The following GPATCH8 variants were observed in gnomAD, a reference collection of about 807,000 sequenced individuals.
The protein encoded by GPATCH8 is G-patch domain containing 8, also known as G patch domain-containing protein 8.
A neutral mutation model predicts 118.3 loss-of-function variants in GPATCH8; 18 were observed. The observed-to-expected ratio is 0.15, with a 90% confidence interval of 0.11 to 0.23. The LOEUF (loss-of-function observed/expected upper bound fraction) is 0.23, where lower values mean the gene tolerates loss of function less well. GPATCH8 is among the 10% of genes least tolerant of loss of function. The pLI is 1.00. For synonymous variants in GPATCH8, 659 were observed against 684.7 expected (o/e 0.96, Z 0.59); for missense variants, 1,631 against 1,873.8 (o/e 0.87, Z 2.39).
At chr17:44,430,916 G>A (rs940153485) in intron 5 of GPATCH8, among the ~76,000 whole-genome samples, 3 of 151,236 alleles carry the variant, frequency 2.0e-5, no homozygotes, top group Admixed American at 1.3e-4. Context: ...CTCCCAAAGT[G>A]CTGGGATTAC....
intron 1 of GPATCH8, among the ~76,000 whole-genome samples, chr17:44,476,282 G>A (rs1967776477): frequency 1.3e-5 from 2 of 151,452 alleles, no homozygotes; most frequent in Admixed American, 6.6e-5. Flanking sequence ...TCAGCTCACC[G>A]CAACCTCTGC....
chr17:44,401,613 G>A (rs1250457841), intron 7 of GPATCH8, among the ~76,000 whole-genome samples, 160 bp from the exon 8 acceptor site: 7 of 152,166 alleles, frequency 4.6e-5, no homozygotes, highest in Non-Finnish European at 1.5e-5. Context: ...ACTAACAAAT[G>A]CGACTTTCTA....
chr17:44,420,543 T>C (rs1190501977), intron 6 of GPATCH8, among the ~76,000 whole-genome samples: 1 of 151,818 alleles, frequency 6.6e-6, no homozygotes, highest in Admixed American at 6.6e-5. Flanking sequence ...CAACCAAAAA[T>C]GTACAGAGGC....
rs1467573744 is a variant in GPATCH8, at chr17:44,447,073, T to G, written c.194-10528A>C. On this transcript the variant is annotated intron_variant, in intron 3 of 7. Transcript: ENST00000591680. ...CTGGTCTCGAACTCCTGACCTCAAG[T>G]GATCTGCCCGCCTTGGCCTCCCAAA... Among the ~76,000 whole-genome samples the G allele has an allele frequency of 3.2e-4, 49 of 152,084 alleles. 3 individuals carry two copies. The highest frequency in any genetic ancestry group is 3.1e-3 in the Admixed American group (48 of 15,264).
At chr17:44,476,882 A>C (rs1967822101) in intron 1 of GPATCH8, among the ~76,000 whole-genome samples, 1 of 152,208 alleles carries the variant, frequency 6.6e-6, no homozygotes, top group South Asian at 2.1e-4. Context: ...GTTTTCACAG[A>C]TCTCCTTGCT....
intron 2 of GPATCH8, chr17:44,474,429 T>C (rs557429555): frequency 3.9e-5 from 10 of 255,232 alleles, no homozygotes; most frequent in Non-Finnish European, 7.7e-5. Context: ...TAAAAAAAAA[T>C]TTCCATACAT....
rs1317981702 is a variant in GPATCH8, at chr17:44,483,173, AAAAATATATATATATATATAT to A, written c.46-8291_46-8271del. 4.9e-3 allele frequency among the ~76,000 whole-genome samples: 128 copies of A among 25,894 alleles called. 14 individuals are homozygous for A. The highest frequency in any genetic ancestry group is 9.3e-3 in the Non-Finnish European group (111 of 11,954). The allele number at this position is 25,894 out of a possible 152,430, so 17.0% of individuals were successfully genotyped here. On this transcript the variant is annotated intron_variant, in intron 1 of 7. Transcript: ENST00000591680. The stretch of plus-strand genomic sequence containing the variant: ...CCGTCTCAAAAAAAAAAAAAAAAAA[AAAAATATATATATATATATAT>A]ATATATATATATATATATATATACA...
intron 3 of GPATCH8, among the ~76,000 whole-genome samples, chr17:44,442,913 C>T (rs2050752684): frequency 6.6e-6 from 1 of 152,094 alleles, no homozygotes; most frequent in Admixed American, 6.6e-5. Flanking sequence ...CTCTGTCTCT[C>T]CAAAAAATTT....
intron 6 of GPATCH8, among the ~76,000 whole-genome samples, chr17:44,415,009 C>T (rs2049621719): frequency 1.3e-5 from 2 of 152,104 alleles, no homozygotes; most frequent in Admixed American, 1.3e-4. Context: ...CCCTTTTTGG[C>T]TATTATGAAG....
chr17:44,442,180 G>A (rs75480534), intron 3 of GPATCH8, among the ~76,000 whole-genome samples: 9,041 of 140,932 alleles, frequency 0.064, 936 homozygotes, highest in African/African-American at 0.22. Context: ...TATATTCAAG[G>A]CACTGTTCTG....
intron 5 of GPATCH8, among the ~76,000 whole-genome samples, chr17:44,427,859 G>A (rs2050144450): frequency 6.6e-6 from 1 of 152,042 alleles, no homozygotes; most frequent in Non-Finnish European, 1.5e-5. Context: ...ACTCAAACAT[G>A]GGTAATTTCA....
chr17:44,480,237 C>T (rs574483123), intron 1 of GPATCH8, among the ~76,000 whole-genome samples: 3 of 152,188 alleles, frequency 2.0e-5, no homozygotes, highest in African/African-American at 7.2e-5. Context: ...TAAGGAAATA[C>T]AAACTAGAAT....
chr17:44,427,062 T>A (rs546657803), intron 5 of GPATCH8, among the ~76,000 whole-genome samples: 1 of 152,160 alleles, frequency 6.6e-6, no homozygotes, highest in African/African-American at 2.4e-5. Flanking sequence ...TATATGTAAT[T>A]GCCTAAATTA....
At chr17:44,437,384 C>T (rs1432684444) in intron 3 of GPATCH8, among the ~76,000 whole-genome samples, 1 of 152,126 alleles carries the variant, frequency 6.6e-6, no homozygotes, top group Non-Finnish European at 1.5e-5. Flanking sequence ...AAGCACTTTA[C>T]TACCACAGCT....
intron 2 of GPATCH8, chr17:44,473,830 A>C (rs1468520028): frequency 6.6e-6 from 1 of 152,240 alleles, no homozygotes; most frequent in Non-Finnish European, 1.5e-5. Context: ...ACATACAAAC[A>C]CACACAACAC....
chr17:44,502,886 G>A (rs1327096746), intron 1 of GPATCH8, among the ~76,000 whole-genome samples: 3 of 152,174 alleles, frequency 2.0e-5, no homozygotes, highest in Admixed American at 1.3e-4. Flanking sequence ...AAAAGAGAAG[G>A]ACCCCAAAAG....
At chr17:44,420,929 G>A (rs938709187) in intron 6 of GPATCH8, among the ~76,000 whole-genome samples, 2 of 151,884 alleles carry the variant, frequency 1.3e-5, no homozygotes, top group South Asian at 2.1e-4. Flanking sequence ...GTGCCATCTT[G>A]GCTCACTGCA....
chr17:44,404,879 A>G (rs2049160253), intron 7 of GPATCH8, among the ~76,000 whole-genome samples: 1 of 152,212 alleles, frequency 6.6e-6, no homozygotes, highest in Non-Finnish European at 1.5e-5. Flanking sequence ...TTGATCTCAT[A>G]GAAGTAAAAA....
At position 44,397,874 on chromosome 17, in the gene GPATCH8, T is replaced by C; in HGVS notation, c.4203A>G (p.Pro1401=). Residue 1401 remains proline, a synonymous_variant, in exon 8 of 8, where the codon CCA becomes CCG. Coordinates refer to ENST00000591680, the MANE Select transcript of GPATCH8 (RefSeq NM_001002909.4). ...GGGGAATATGATGCACCTGGGCAAGTGGTTGGGGATGGGGGTGAGGGTGAA... is the reference window on the plus strand; with the variant it reads ...GGGGAATATGATGCACCTGGGCAAGCGGTTGGGGATGGGGGTGAGGGTGAA... ...IGIHPHPHPQ[P]LAQVHHIPQP... 6.2e-7 allele frequency: 1 copy of C among 1,605,776 alleles called. No individual in the cohort carries two copies. The highest frequency in any genetic ancestry group is 8.5e-7 in the Non-Finnish European group (1 of 1,174,120).
Sources: gnomAD v4.1 joint callset for allele counts (sites outside exome capture counted in the v4.1 genomes callset) on GRCh38, gnomAD v4.1.1 for gene constraint, MANE v1.5 for transcripts, NCBI Gene and HGNC (gene_info 2026-07-23, HGNC 2026-07-21) for gene names.